The following MMP16 variants were observed in gnomAD, a reference collection of about 807,000 sequenced individuals.
MMP16 encodes matrix metallopeptidase 16, also known as matrix metalloproteinase-16.
In MMP16, 12 loss-of-function variants were observed where a neutral mutation model predicts 67.8. That is an observed-to-expected ratio of 0.18 (90% confidence interval 0.11 to 0.29). The LOEUF is 0.29. Ranked by LOEUF, MMP16 falls within the 10% of genes least tolerant of loss-of-function variation. MMP16 has a pLI of 1.00. For synonymous variants in MMP16, 249 were observed against 255.9 expected (o/e 0.97, Z 0.26); for missense variants, 475 against 765.7 (o/e 0.62, Z 4.48).
At chr8:88,205,461 C>T (rs1427515121) in intron 1 of MMP16, among the ~76,000 whole-genome samples, 2 of 152,196 alleles carry the variant, frequency 1.3e-5, no homozygotes, top group Admixed American at 6.5e-5. Context: ...GGGCACTGAG[C>T]TGTGGCTGCA....
chr8:88,140,914 A>C (rs1462589163), intron 4 of MMP16, among the ~76,000 whole-genome samples: 1 of 152,196 alleles, frequency 6.6e-6, no homozygotes, highest in African/African-American at 2.4e-5. Flanking sequence ...AAACAAAAGG[A>C]GGTTCTATGT....
At chr8:88,266,552 T>C (rs1329065719) in intron 1 of MMP16, among the ~76,000 whole-genome samples, 1 of 152,214 alleles carries the variant, frequency 6.6e-6, no homozygotes, top group South Asian at 2.1e-4. Flanking sequence ...GGAATCTTTA[T>C]GGCATTGTAC....
At chr8:88,238,026 A>C (rs999262309) in intron 1 of MMP16, among the ~76,000 whole-genome samples, 1 of 152,188 alleles carries the variant, frequency 6.6e-6, no homozygotes, top group African/African-American at 2.4e-5. Flanking sequence ...GCAAAGAAAA[A>C]TTACTTATAA....
intron 1 of MMP16, among the ~76,000 whole-genome samples, chr8:88,217,468 A>C (rs1015750245): frequency 6.6e-6 from 1 of 152,108 alleles, no homozygotes; most frequent in Non-Finnish European, 1.5e-5. Context: ...TGACTTAATA[A>C]GAATATCTGT....
At chr8:88,190,273 T>C (rs930030558) in intron 2 of MMP16, among the ~76,000 whole-genome samples, 8 of 152,204 alleles carry the variant, frequency 5.3e-5, no homozygotes, top group Non-Finnish European at 1.2e-4. Context: ...TTAGTGGGTA[T>C]TATCTTCTCA....
intron 2 of MMP16, among the ~76,000 whole-genome samples, chr8:88,189,824 C>T (rs1003069370): frequency 3.3e-5 from 5 of 152,164 alleles, no homozygotes; most frequent in African/African-American, 9.7e-5. Flanking sequence ...CCCAATGCAG[C>T]ATGTCTTATA....
intron 1 of MMP16, among the ~76,000 whole-genome samples, chr8:88,210,193 T>C (rs925217344): frequency 5.3e-5 from 8 of 152,178 alleles, no homozygotes; most frequent in Non-Finnish European, 5.9e-5. Context: ...TATAGCAGCC[T>C]GAATTGAGTA....
At chr8:88,053,387 C>G (rs114950952) in intron 8 of MMP16, among the ~76,000 whole-genome samples, 1 of 152,158 alleles carries the variant, frequency 6.6e-6, no homozygotes, top group Non-Finnish European at 1.5e-5. Context: ...TACCGCAGTA[C>G]TCATCATTCG....
At chr8:88,075,192 C>T (rs569311117) in intron 6 of MMP16, among the ~76,000 whole-genome samples, 1 of 152,170 alleles carries the variant, frequency 6.6e-6, no homozygotes, top group South Asian at 2.1e-4. Context: ...CCCTGTTATG[C>T]CTATTGTCTC....
At chr8:88,233,792 T>A (rs889785803) in intron 1 of MMP16, among the ~76,000 whole-genome samples, 2 of 152,218 alleles carry the variant, frequency 1.3e-5, no homozygotes, top group African/African-American at 4.8e-5. Flanking sequence ...TTGTCCCTAA[T>A]GTGGGACCTT....
chr8:88,166,236 G>T (rs1272888652), intron 4 of MMP16, among the ~76,000 whole-genome samples: 1 of 151,970 alleles, frequency 6.6e-6, no homozygotes, highest in Non-Finnish European at 1.5e-5. Context: ...GAAATTAAGA[G>T]TTTTATTACA....
chr8:88,311,218 A>C (rs1291482822), intron 1 of MMP16, among the ~76,000 whole-genome samples: 1 of 152,162 alleles, frequency 6.6e-6, no homozygotes, highest in African/African-American at 2.4e-5. Flanking sequence ...GAAGGAATTA[A>C]GCATTTTGAT....
intron 1 of MMP16, among the ~76,000 whole-genome samples, chr8:88,219,141 GAAATA>G (rs1006780179): frequency 4.6e-5 from 7 of 151,918 alleles, no homozygotes; most frequent in Admixed American, 1.3e-4. Context: ...GCCACAGTGG[GAAATA>G]AAATAAAGCA....
intron 1 of MMP16, among the ~76,000 whole-genome samples, chr8:88,274,257 C>T (rs1384555549): frequency 6.6e-6 from 1 of 151,776 alleles, no homozygotes; most frequent in East Asian, 1.9e-4. Flanking sequence ...TAGAGACTTG[C>T]CTGATGAGTA....
chr8:88,090,801 C>T (rs1212882764), intron 6 of MMP16, among the ~76,000 whole-genome samples: 2 of 151,826 alleles, frequency 1.3e-5, no homozygotes, highest in East Asian at 3.9e-4. Flanking sequence ...CTAGGTAATA[C>T]TGAAATAGCT....
chr8:88,060,517 C>T (rs539859760), intron 7 of MMP16, among the ~76,000 whole-genome samples: 5 of 152,046 alleles, frequency 3.3e-5, no homozygotes, highest in Non-Finnish European at 7.4e-5. Flanking sequence ...CCTTTCAGTA[C>T]GGGTGTCTTA....
intron 1 of MMP16, among the ~76,000 whole-genome samples, chr8:88,200,459 T>C (rs1809326110): frequency 6.6e-6 from 1 of 152,024 alleles, no homozygotes; most frequent in Non-Finnish European, 1.5e-5. Flanking sequence ...TTGAATTACA[T>C]TCCTGTTTTA....
At chr8:88,248,003 G>A (rs1466278764) in intron 1 of MMP16, among the ~76,000 whole-genome samples, 1 of 151,988 alleles carries the variant, frequency 6.6e-6, no homozygotes. Context: ...TGGGCACCAA[G>A]GTGTGGATAT....
intron 1 of MMP16, among the ~76,000 whole-genome samples, chr8:88,239,157 T>C (rs1350890750): frequency 1.3e-5 from 2 of 151,772 alleles, no homozygotes; most frequent in African/African-American, 4.8e-5. Flanking sequence ...CAAGCAGGCG[T>C]GGTGGCGCTT....
Sources: gnomAD v4.1 joint callset for allele counts (sites outside exome capture counted in the v4.1 genomes callset) on GRCh38, gnomAD v4.1.1 for gene constraint, MANE v1.5 for transcripts, NCBI Gene and HGNC (gene_info 2026-07-23, HGNC 2026-07-21) for gene names.